PLPPR1: variants seen among roughly 807,000 people sequenced by gnomAD.
PLPPR1 encodes phospholipid phosphatase-related protein type 1.
PLPPR1 carries 10 observed loss-of-function variants against 33.1 expected under a neutral mutation model. The observed-to-expected ratio is 0.30, with a 90% CI of 0.19 to 0.51. The LOEUF (loss-of-function observed/expected upper bound fraction) is 0.51. Among genes scored for constraint, PLPPR1 ranks in the 20% least tolerant of loss-of-function variants. The pLI, the probability that PLPPR1 is intolerant of heterozygous loss-of-function variation, is 0.97. For synonymous variants in PLPPR1, 151 were observed against 151.0 expected (o/e 1.00, Z 0.00); for missense variants, 304 against 408.1 (o/e 0.74, Z 2.20).
chr9:101,080,439 G>A (rs1830603108), intron 1 of PLPPR1, among the ~76,000 whole-genome samples: 1 of 152,056 alleles, frequency 6.6e-6, no homozygotes, highest in Non-Finnish European at 1.5e-5. Flanking sequence ...GCCAGAGCCT[G>A]GGGAGGTTGA....
intron 2 of PLPPR1, among the ~76,000 whole-genome samples, chr9:101,258,469 T>C (rs1329071): frequency 0.51 from 76,855 of 151,978 alleles, 20,856 homozygotes; most frequent in African/African-American, 0.72. Flanking sequence ...ACTTCTATTG[T>C]TTTACCAGAG....
chr9:101,142,193 T>C (rs1831460138), intron 1 of PLPPR1, among the ~76,000 whole-genome samples: 1 of 152,190 alleles, frequency 6.6e-6, no homozygotes, highest in African/African-American at 2.4e-5. Flanking sequence ...TTGCCCAAAG[T>C]CTTACTGCTA....
chr9:101,064,370 A>G (rs940449160), intron 1 of PLPPR1, among the ~76,000 whole-genome samples: 2 of 151,890 alleles, frequency 1.3e-5, no homozygotes, highest in Admixed American at 6.6e-5. Flanking sequence ...GAATGAATGA[A>G]TGAATAGGGT....
At chr9:101,036,446 G>C (rs1347119245) in intron 1 of PLPPR1, among the ~76,000 whole-genome samples, 4 of 152,048 alleles carry the variant, frequency 2.6e-5, no homozygotes, top group African/African-American at 9.7e-5. Context: ...CTTTGTCTTA[G>C]GGCTAGAGGA....
chr9:101,030,807 T>A (rs922251103), intron 1 of PLPPR1, among the ~76,000 whole-genome samples: 1 of 152,034 alleles, frequency 6.6e-6, no homozygotes, highest in African/African-American at 2.4e-5. Context: ...GGGGACCTTT[T>A]TATCTTTAAC....
intron 1 of PLPPR1, among the ~76,000 whole-genome samples, chr9:101,136,765 T>C (rs1198420452): frequency 6.6e-6 from 1 of 152,170 alleles, no homozygotes; most frequent in African/African-American, 2.4e-5. Context: ...TATAGTCAAG[T>C]TGATCTTCTT....
At chr9:101,262,919 A>G (rs906918671) in intron 2 of PLPPR1, among the ~76,000 whole-genome samples, 1 of 152,052 alleles carries the variant, frequency 6.6e-6, no homozygotes, top group African/African-American at 2.4e-5. Context: ...AAACCAAACA[A>G]TGCATATTCT....
At chr9:101,195,291 T>C (rs911236204) in intron 2 of PLPPR1, among the ~76,000 whole-genome samples, 1 of 152,114 alleles carries the variant, frequency 6.6e-6, no homozygotes, top group African/African-American at 2.4e-5. Flanking sequence ...ATTCCACAAA[T>C]ATATTGAAGG....
chr9:101,095,257 A>G (rs1475416933), intron 1 of PLPPR1, among the ~76,000 whole-genome samples: 1 of 126,094 alleles, frequency 7.9e-6, no homozygotes, highest in East Asian at 2.1e-4. Context: ...GATAACTGGG[A>G]CTTCTATTCA....
intron 1 of PLPPR1, among the ~76,000 whole-genome samples, chr9:101,052,057 A>G (rs1830228932): frequency 6.6e-6 from 1 of 152,212 alleles, no homozygotes; most frequent in East Asian, 1.9e-4. Flanking sequence ...ACTTAGGCAT[A>G]ATATTTAACC....
chr9:101,172,201 G>A (rs963050757), intron 1 of PLPPR1, among the ~76,000 whole-genome samples: 56 of 152,134 alleles, frequency 3.7e-4, no homozygotes, highest in African/African-American at 1.3e-3. Context: ...GGGTCGTGCT[G>A]TCACACATAT....
Position 101,032,707 on chromosome 9 carries a change from A to G in PLPPR1, c.-46+3605A>G, listed in dbSNP as rs538478729. On this transcript the variant is annotated intron_variant, in intron 1 of 7. Coordinates refer to ENST00000374874, the MANE Select transcript of PLPPR1 (RefSeq NM_207299.2). ...TAGTAGAAGATAAATCATGACTTCC[A>G]TTTCTCCAACGTGATCAACTGACTT... Among the ~76,000 whole-genome samples the G allele has an allele frequency of 5.3e-5, 8 of 152,238 alleles. No individual in the cohort carries two copies. The East Asian group carries it at 1.5e-3, about 29-fold the overall frequency.
At chr9:101,082,969 C>T (rs929951361) in intron 1 of PLPPR1, among the ~76,000 whole-genome samples, 1 of 152,016 alleles carries the variant, frequency 6.6e-6, no homozygotes, top group African/African-American at 2.4e-5. Flanking sequence ...CATGACTATT[C>T]AAAGATACCG....
intron 1 of PLPPR1, among the ~76,000 whole-genome samples, chr9:101,119,363 G>T (rs1304677043): frequency 2.0e-5 from 3 of 152,192 alleles, no homozygotes; most frequent in Non-Finnish European, 4.4e-5. Flanking sequence ...TTCACACCGT[G>T]CTGCCTGGGG....
intron 1 of PLPPR1, among the ~76,000 whole-genome samples, chr9:101,122,484 T>G (rs1301538018): frequency 2.0e-5 from 3 of 152,202 alleles, no homozygotes; most frequent in Admixed American, 6.5e-5. Flanking sequence ...ATTTTTTTTC[T>G]TAATAGACTA....
chr9:101,256,565 G>A (rs962256135), intron 2 of PLPPR1, among the ~76,000 whole-genome samples: 4 of 152,082 alleles, frequency 2.6e-5, no homozygotes, highest in Non-Finnish European at 4.4e-5. Context: ...CTCCGTAATC[G>A]CAGAAATTCC....
chr9:101,034,821 G>C (rs571501182), intron 1 of PLPPR1, among the ~76,000 whole-genome samples: 1 of 151,274 alleles, frequency 6.6e-6, no homozygotes, highest in African/African-American at 2.4e-5. Flanking sequence ...ATTTGGGGGC[G>C]GGGGGGTTGG....
chr9:101,317,312 A>G (rs1164036705), intron 6 of PLPPR1, 53 bp from the exon 7 acceptor site: 3 of 1,574,142 alleles, frequency 1.9e-6, no homozygotes, highest in African/African-American at 1.4e-5. Context: ...CACAGATGCC[A>G]GGCATTGATG....
chr9:101,301,180 AT>A (rs918768699), intron 4 of PLPPR1, among the ~76,000 whole-genome samples: 1 of 152,134 alleles, frequency 6.6e-6, no homozygotes, highest in African/African-American at 2.4e-5. Flanking sequence ...AATACAGGGT[AT>A]TTTTTTCTAA....
Sources: gnomAD v4.1 joint callset for allele counts (sites outside exome capture counted in the v4.1 genomes callset) on GRCh38, gnomAD v4.1.1 for gene constraint, MANE v1.5 for transcripts, NCBI Gene and HGNC (gene_info 2026-07-23, HGNC 2026-07-21) for gene names.